The following TOP3B variants were observed in gnomAD, a reference collection of about 807,000 sequenced individuals.
TOP3B encodes DNA topoisomerase III beta, also known as DNA topoisomerase 3-beta-1.
A neutral mutation model predicts 93.9 loss-of-function variants in TOP3B; 45 were observed. The observed-to-expected ratio is 0.48, with a 90% CI of 0.38 to 0.61. The LOEUF (loss-of-function observed/expected upper bound fraction) is 0.61. TOP3B is among the 20% of genes least tolerant of loss of function. The pLI, the probability that TOP3B is intolerant of heterozygous loss-of-function variation, is 0.00. For synonymous variants in TOP3B, 357 were observed against 472.6 expected (o/e 0.76, Z 3.17); for missense variants, 750 against 1,156.1 (o/e 0.65, Z 5.09).
intron 8 of TOP3B, chr22:21,966,601 A>G (rs1410372097): frequency 2.0e-5 from 3 of 152,250 alleles, no homozygotes. Flanking sequence ...GAGTGCATCT[A>G]TGAGCTGTGC....
At chr22:21,972,936 G>A in intron 3 of TOP3B, 1 of 547,720 alleles carries the variant, frequency 1.8e-6, no homozygotes, top group Non-Finnish European at 3.3e-6. Context: ...CGGCTGCTGA[G>A]CGGACCCACC....
intron 8 of TOP3B, chr22:21,966,510 C>G (rs1325141850): frequency 6.6e-6 from 1 of 152,180 alleles, no homozygotes; most frequent in African/African-American, 2.4e-5. Context: ...AGCTAGAAGG[C>G]AGAATTTTAG....
rs977422407 is a variant in TOP3B at position 21,965,604 on chromosome 22, C to T, written c.853-229G>A. 12 of 295,452 alleles carry T rather than the reference C, an allele frequency of 4.1e-5. 1 individual carries two copies. The highest frequency in any genetic ancestry group is 2.8e-4 in the South Asian group (4 of 14,350). The allele number at this position is 295,452 out of a possible 1,614,324, so 18.3% of individuals were successfully genotyped here. On this transcript the variant is annotated intron_variant, in intron 8 of 17. Transcript: ENST00000357179. ...AATTTTGGCTGGGTGTGGTGGCTCA[C>T]GCCTGTAATCCCAGTACTTTGGGAG...
intron 12 of TOP3B, 70 bp downstream of exon 12, chr22:21,962,677 C>G: frequency 1.2e-6 from 2 of 1,607,796 alleles, no homozygotes; most frequent in Non-Finnish European, 1.7e-6. Context: ...CCTCCCATCC[C>G]CAGACACGAT....
chr22:21,962,246 G>C (rs1438466542), intron 13 of TOP3B, 183 bp downstream of exon 13: 1 of 1,554,016 alleles, frequency 6.4e-7, no homozygotes, highest in Admixed American at 1.8e-5. Flanking sequence ...GGAGGCCTCA[G>C]GAGGGGATGC....
chr22:21,961,928 A>G, intron 13 of TOP3B: 1 of 276,014 alleles, frequency 3.6e-6, no homozygotes. Context: ...TTTTGCTTTG[A>G]TAAACTCCCT....
chr22:21,959,534 T>C (rs2071074770), intron 15 of TOP3B, 53 bp downstream of exon 15: 1 of 1,553,048 alleles, frequency 6.4e-7, no homozygotes, highest in South Asian at 1.2e-5. Flanking sequence ...GTACTGGCCT[T>C]GCTGACAGAG....
chr22:21,969,614 A>C (rs1400876308), intron 6 of TOP3B: 1 of 150,532 alleles, frequency 6.6e-6, no homozygotes, highest in Non-Finnish European at 1.5e-5. Context: ...AAACAAACAA[A>C]CAAAAAAATA....
chr22:21,972,852 T>C (rs1166955107), intron 3 of TOP3B, 134 bp from the exon 4 acceptor site: 14 of 744,420 alleles, frequency 1.9e-5, no homozygotes, highest in Non-Finnish European at 2.5e-5. Flanking sequence ...AGGGTCATCC[T>C]GATGATCAGA....
chr22:21,969,952 T>TTTG, intron 6 of TOP3B: 1 of 239,152 alleles, frequency 4.2e-6, no homozygotes, highest in Admixed American at 6.5e-5. Context: ...TTTTTTTTTG[T>TTTG]AGAGATGGGG....
intron 1 of TOP3B, among the ~76,000 whole-genome samples, chr22:21,979,737 C>T (rs886537951): frequency 1.3e-5 from 2 of 151,690 alleles, no homozygotes; most frequent in Non-Finnish European, 2.9e-5. Context: ...GTCAGGAGAT[C>T]AAGACCATCC....
chr22:21,974,202 G>A (rs1431158240), intron 3 of TOP3B, 155 bp downstream of exon 3: 3 of 956,676 alleles, frequency 3.1e-6, no homozygotes, highest in South Asian at 1.8e-5. Context: ...CACCGCACCA[G>A]GGACCCTCTC....
At chr22:21,960,752 C>A in intron 13 of TOP3B, 1 of 357,478 alleles carries the variant, frequency 2.8e-6, no homozygotes, top group African/African-American at 2.0e-5. Context: ...GCTTATTCTG[C>A]GCCTGGAAAA....
Position 21,972,693 on chromosome 22 carries a change from C to T in TOP3B, c.228G>A (p.Val76=), listed in dbSNP as rs2071690477. ...CTTGGCTGAACAGTTCTGCGGGGTCCACTTTGTCCCATTTGTTGTATTTTC... is the reference window on the plus strand; with the variant it reads ...CTTGGCTGAACAGTTCTGCGGGGTCTACTTTGTCCCATTTGTTGTATTTTC... The part of the protein sequence containing the change: ...FLGKYNKWDK[V]DPAELFSQAP... The change falls in exon 4 of 18, where the codon GTG becomes GTA. Residue 76 remains valine (V), a synonymous_variant. Transcript: ENST00000357179. 2.5e-6 allele frequency: 4 copies of T among 1,613,832 alleles called. No individual in the cohort carries two copies. The highest frequency in any genetic ancestry group is 2.7e-5 in the African/African-American group (2 of 74,894).
chr22:21,963,123 C>T lies in TOP3B; in HGVS notation c.1205-230G>A, dbSNP rs1388447290. The T allele has an allele frequency of 7.9e-6, 4 of 503,302 alleles. No individual in the cohort carries two copies. Among genetic ancestry groups the T allele is most frequent in the African/African-American group, 1.9e-5 (1 of 51,630 alleles). 31.2% of individuals were successfully genotyped at this position (503,302 alleles called of 1,614,324 possible). A position where few individuals can be genotyped will look rare whatever the true frequency, so the allele number is the denominator to read the frequency against. On this transcript the variant is annotated intron_variant, in intron 11 of 17. Coordinates refer to ENST00000357179, the MANE Select transcript of TOP3B (RefSeq NM_001282112.2). This position sits in a 1 kb window ranked among gnomAD's most constrained non-coding sequence, Gnocchi z 4.8. Reference sequence around the variant, plus strand: ...CTAAGGTGGATGGATCACTTGAGGTCAGGAGTTTGAGACCAGCCTGGCCAA... The same window carrying T: ...CTAAGGTGGATGGATCACTTGAGGTTAGGAGTTTGAGACCAGCCTGGCCAA...
Position 21,970,486 on chromosome 22 carries a change from C to A in TOP3B, c.385-80G>T. On this transcript the variant is annotated intron_variant, in intron 5 of 17. Coordinates refer to ENST00000357179, the MANE Select transcript of TOP3B (RefSeq NM_001282112.2). The surrounding 1 kb of genome is among the most constrained non-coding windows in gnomAD (Gnocchi z 4.4). ...CCCCACCCCACTGTGAAGCCTGGTTCCTTCCAGGAAAGAACACGTGTGCTC... is the reference window on the plus strand; with the variant it reads ...CCCCACCCCACTGTGAAGCCTGGTTACTTCCAGGAAAGAACACGTGTGCTC... The A allele has an allele frequency of 6.7e-7, 1 of 1,487,586 alleles. No homozygotes were observed. The highest frequency in any genetic ancestry group is 1.2e-5 in the South Asian group (1 of 82,250). The allele number at this position is 1,487,586 out of a possible 1,614,324, so 92.1% of individuals were successfully genotyped here. A position where few individuals can be genotyped will look rare whatever the true frequency, so the allele number is the denominator to read the frequency against.
intron 8 of TOP3B, chr22:21,966,418 A>AG (rs35886520): frequency 6.6e-6 from 1 of 152,208 alleles, no homozygotes; most frequent in South Asian, 2.1e-4. Context: ...GGCCCGTCCC[A>AG]GGGGAAGTAC....
At chr22:21,958,132 A>G in intron 17 of TOP3B, 3 of 1,255,240 alleles carry the variant, frequency 2.4e-6, no homozygotes, top group Non-Finnish European at 3.1e-6. Flanking sequence ...AATGAGGACG[A>G]GGATGAGGAT....
At chr22:21,982,102 C>T (rs535335080) in intron 1 of TOP3B, 1 of 152,282 alleles carries the variant, frequency 6.6e-6, no homozygotes, top group South Asian at 2.1e-4. Context: ...GCAAAAGAAT[C>T]CCAGGACTGG....
Sources: allele counts gnomAD v4.1 joint callset (sites outside exome capture counted in the v4.1 genomes callset), GRCh38; gene constraint gnomAD v4.1.1; non-coding constraint Gnocchi (gnomAD v3.1); transcripts MANE v1.5; gene names NCBI Gene and HGNC (gene_info 2026-07-23, HGNC 2026-07-21).